Variants in CNTNAP2 observed in about 807,000 individuals in gnomAD.
The protein encoded by CNTNAP2 is contactin-associated protein-like 2.
A neutral mutation model predicts 155.2 loss-of-function variants in CNTNAP2; 98 were observed. That is an observed-to-expected ratio of 0.63 (90% CI 0.54 to 0.75). CNTNAP2 has a LOEUF of 0.75. Ranked by LOEUF, CNTNAP2 falls within the 30% of genes least tolerant of loss-of-function variation. The pLI is 0.00. For missense variants in CNTNAP2, 1,727 were observed against 1,688.1 expected, an observed-to-expected ratio of 1.02 and a Z score of -0.40; for synonymous variants, 651 against 631.2, an observed-to-expected ratio of 1.03 and a Z score of -0.47.
At chr7:147,346,132 T>C (rs1795852619) in intron 9 of CNTNAP2, among the ~76,000 whole-genome samples, 1 of 50,200 alleles carries the variant, frequency 2.0e-5, no homozygotes, top group Non-Finnish European at 3.4e-5. Context: ...TCGAAGATTT[T>C]ATTTTATTTT....
Position 148,338,475 on chromosome 7 carries a change from C to CT in CNTNAP2, c.3476-45174_3476-45173insT, listed in dbSNP as rs368895663. Among the ~76,000 whole-genome samples the CT allele has an allele frequency of 6.4e-3, 971 of 151,992 alleles. 6 individuals carry two copies. The highest frequency in any genetic ancestry group is 0.011 in the Non-Finnish European group (720 of 67,954). ...TCTCCCATGGACAAACTCTTCCCTC[C>CT]CCCCACCCCGACCTAGCCTCTTACC... On this transcript the variant is annotated intron_variant, in intron 21 of 23. Coordinates refer to ENST00000361727, the MANE Select transcript of CNTNAP2 (RefSeq NM_014141.6).
At chr7:147,898,947 G>A (rs1277515200) in intron 13 of CNTNAP2, among the ~76,000 whole-genome samples, 1 of 144,128 alleles carries the variant, frequency 6.9e-6, no homozygotes, top group African/African-American at 2.6e-5. Context: ...GTTCATCCAT[G>A]TTGTCACATA....
Position 147,841,001 on chromosome 7 carries a change from C to T in CNTNAP2, c.2099-62564C>T, listed in dbSNP as rs76907883. ...AATAAATAAAAATAGCCACTACCTC[C>T]GGCTTCAAATTCAATTAGGCCTTCA... On this transcript the variant is annotated intron_variant, in intron 13 of 23. Coordinates refer to ENST00000361727, the MANE Select transcript of CNTNAP2 (RefSeq NM_014141.6). Among the ~76,000 whole-genome samples the T allele has an allele frequency of 7.7e-3, 1,177 of 152,236 alleles. 13 individuals are homozygous for T. The highest frequency in any genetic ancestry group is 0.039 in the South Asian group (188 of 4,826).
At chr7:146,973,503 A>T (rs748452155) in intron 3 of CNTNAP2, among the ~76,000 whole-genome samples, 9 of 152,328 alleles carry the variant, frequency 5.9e-5, no homozygotes, top group Non-Finnish European at 1.3e-4. Flanking sequence ...TAGTAAATGC[A>T]GTGTAAAGTC....
At chr7:147,562,951 A>G (rs1427398338) in intron 12 of CNTNAP2, among the ~76,000 whole-genome samples, 1 of 152,174 alleles carries the variant, frequency 6.6e-6, no homozygotes, top group Non-Finnish European at 1.5e-5. Flanking sequence ...GGCTCCAGCA[A>G]AAGACCAGCA....
At chr7:148,064,716 C>A (rs1245252977) in intron 15 of CNTNAP2, among the ~76,000 whole-genome samples, 2 of 149,142 alleles carry the variant, frequency 1.3e-5, no homozygotes, top group Non-Finnish European at 3.0e-5. Context: ...TATACCTAAC[C>A]AAAGAAGTGA....
At chr7:147,681,103 G>GGAA (rs1164795957) in intron 13 of CNTNAP2, among the ~76,000 whole-genome samples, 2 of 152,034 alleles carry the variant, frequency 1.3e-5, no homozygotes, top group East Asian at 3.9e-4. Flanking sequence ...ATTTGAAAGG[G>GGAA]GAAGTTTCAT....
intron 13 of CNTNAP2, among the ~76,000 whole-genome samples, chr7:147,657,235 T>C (rs1486999368): frequency 6.6e-6 from 1 of 150,896 alleles, no homozygotes; most frequent in Non-Finnish European, 1.5e-5. Flanking sequence ...AATCAGGCTG[T>C]AGGTAACTAA....
chr7:147,562,198 G>T lies in CNTNAP2; in HGVS notation c.1838G>T (p.Trp613Leu). ...KHLGQTSNYY[W>L]IDPDGSGPLG... Reference sequence around the variant, plus strand: ...CTAGGACAGACATCAAATTATTACTGGATAGATCCTGATGGCAGCGGACCT... The same window carrying T: ...CTAGGACAGACATCAAATTATTACTTGATAGATCCTGATGGCAGCGGACCT... The change falls in exon 12 of 24, where the codon TGG (tryptophan) becomes TTG (leucine). Residue 613 changes from tryptophan to leucine, a missense_variant. Physicochemically the swap from Trp to Leu is moderately conservative, Grantham distance 61 (BLOSUM62 -2). Transcript: ENST00000361727. The T allele has an allele frequency of 6.2e-7, 1 of 1,613,972 alleles. No homozygotes were observed. Among genetic ancestry groups the T allele is most frequent in the Non-Finnish European group, 8.5e-7 (1 of 1,179,912 alleles).
At chr7:148,126,106 A>G (rs549267349) in intron 16 of CNTNAP2, among the ~76,000 whole-genome samples, 2 of 152,278 alleles carry the variant, frequency 1.3e-5, no homozygotes, top group Non-Finnish European at 2.9e-5. Flanking sequence ...AGAAGGAGAA[A>G]AGTTTCCTTG....
intron 13 of CNTNAP2, among the ~76,000 whole-genome samples, chr7:147,798,111 A>G (rs1797929987): frequency 6.6e-6 from 1 of 152,188 alleles, no homozygotes; most frequent in South Asian, 2.1e-4. Flanking sequence ...GAAAATATTA[A>G]CCATACTTCT....
chr7:146,265,812 T>G (rs1799986011), intron 1 of CNTNAP2, among the ~76,000 whole-genome samples: 1 of 152,184 alleles, frequency 6.6e-6, no homozygotes, highest in Admixed American at 6.5e-5. Context: ...TGATCATATT[T>G]TGAAAATTTC....
At chr7:146,984,780 C>G (rs1798087360) in intron 3 of CNTNAP2, among the ~76,000 whole-genome samples, 1 of 152,174 alleles carries the variant, frequency 6.6e-6, no homozygotes, top group Admixed American at 6.5e-5. Context: ...GTCCTTCTGG[C>G]TCTCCCATTG....
Position 147,013,632 on chromosome 7 carries a change from C to A in CNTNAP2, c.403-30275C>A, listed in dbSNP as rs1798666374. 2.0e-5 allele frequency among the ~76,000 whole-genome samples: 3 copies of A among 152,084 alleles called. 1 individual carries two copies. The South Asian group carries it at 6.2e-4, about 32-fold the overall frequency. ...TTCATGGAACATTGCTACAATACTT[C>A]ATCCGTGTCCGTCTATCCCCTCTGA... On this transcript the variant is annotated intron_variant, in intron 3 of 23. Transcript: ENST00000361727.
intron 17 of CNTNAP2, among the ~76,000 whole-genome samples, chr7:148,168,226 G>C (rs550753965): frequency 1.3e-5 from 2 of 151,958 alleles, no homozygotes; most frequent in East Asian, 3.9e-4. Flanking sequence ...ATACCCAAAG[G>C]ATTATAAATC....
chr7:148,145,631 G>A (rs142192084), intron 16 of CNTNAP2, among the ~76,000 whole-genome samples: 2 of 152,248 alleles, frequency 1.3e-5, no homozygotes, highest in African/African-American at 4.8e-5. Context: ...AAATGCTCCT[G>A]CTAAAATACA....
intron 22 of CNTNAP2, among the ~76,000 whole-genome samples, chr7:148,404,787 A>T (rs796120035): frequency 1.3e-5 from 2 of 152,308 alleles, no homozygotes; most frequent in African/African-American, 4.8e-5. Context: ...GGTGGCTCTC[A>T]GTGGGATGGG....
chr7:147,855,389 G>A (rs1490530023), intron 13 of CNTNAP2, among the ~76,000 whole-genome samples: 1 of 151,838 alleles, frequency 6.6e-6, no homozygotes, highest in Non-Finnish European at 1.5e-5. Context: ...CTCAGACCTA[G>A]GATTACTGAG....
At chr7:147,589,789 C>A (rs1800703367) in intron 12 of CNTNAP2, among the ~76,000 whole-genome samples, 2 of 152,044 alleles carry the variant, frequency 1.3e-5, no homozygotes, top group African/African-American at 4.8e-5. Flanking sequence ...GCATGAGTAT[C>A]CCAGGGGTAT....
Sources: allele counts gnomAD v4.1 joint callset (sites outside exome capture counted in the v4.1 genomes callset), GRCh38; gene constraint gnomAD v4.1.1; transcripts MANE v1.5; gene names NCBI Gene and HGNC (gene_info 2026-07-23, HGNC 2026-07-21).